ANKRD44: variants seen among roughly 807,000 people sequenced by gnomAD.
ANKRD44 encodes ankyrin repeat domain 44, also known as serine/threonine-protein phosphatase 6 regulatory ankyrin repeat subunit B.
A neutral mutation model predicts 116.0 loss-of-function variants in ANKRD44; 35 were observed. That is an observed-to-expected ratio of 0.30 (90% CI 0.23 to 0.40). The LOEUF (loss-of-function observed/expected upper bound fraction) is 0.40, where lower values mean the gene tolerates loss of function less well. Ranked by LOEUF, ANKRD44 falls within the 10% of genes least tolerant of loss-of-function variation. The pLI is 1.00. For synonymous variants in ANKRD44, 435 were observed against 461.8 expected (o/e 0.94, Z 0.74); for missense variants, 1,014 against 1,242.6 (o/e 0.82, Z 2.77).
intron 10 of ANKRD44, among the ~76,000 whole-genome samples, chr2:197,098,370 T>A (rs1429449098): frequency 6.6e-6 from 1 of 152,204 alleles, no homozygotes; most frequent in Non-Finnish European, 1.5e-5. Context: ...TGAATCTGAT[T>A]TCATGATCCC....
chr2:197,183,703 A>G (rs2080574681), intron 2 of ANKRD44, among the ~76,000 whole-genome samples: 1 of 152,204 alleles, frequency 6.6e-6, no homozygotes, highest in African/African-American at 2.4e-5. Flanking sequence ...GGTGAGTAGA[A>G]CAAAAGGGCC....
chr2:197,298,529 G>A (rs964195867), intron 1 of ANKRD44, among the ~76,000 whole-genome samples: 6 of 152,184 alleles, frequency 3.9e-5, no homozygotes, highest in Non-Finnish European at 5.9e-5. Flanking sequence ...TCTATCAAGC[G>A]AGAGTGGAGG....
At chr2:197,226,432 G>C (rs965076785) in intron 1 of ANKRD44, among the ~76,000 whole-genome samples, 12 of 152,326 alleles carry the variant, frequency 7.9e-5, no homozygotes, top group African/African-American at 2.6e-4. Context: ...TTGAGAGACT[G>C]AGGCGGGTGG....
rs750810915 is a variant in ANKRD44, at chr2:197,147,119, C to A, written c.112-14G>T. 2 of 1,612,694 alleles carry A rather than the reference C, an allele frequency of 1.2e-6. No homozygotes were observed. Among genetic ancestry groups the A allele is most frequent in the Non-Finnish European group, 1.7e-6 (2 of 1,178,874 alleles). On this transcript the variant is annotated splice_polypyrimidine_tract_variant and intron_variant, in intron 2 of 27. Transcript: ENST00000282272. ...TTTCTCAGAATCCTGAAATACACAA[C>A]GTCAAAGACATACAACAGGTCAGTG...
At chr2:197,306,824 G>A (rs2084087935) in intron 1 of ANKRD44, among the ~76,000 whole-genome samples, 1 of 152,156 alleles carries the variant, frequency 6.6e-6, no homozygotes, top group South Asian at 2.1e-4. Flanking sequence ...CTAGGACTTG[G>A]CAAGGGAACA....
At chr2:196,975,778 T>C (rs149553686) in intron 21 of ANKRD44, among the ~76,000 whole-genome samples, 6,402 of 129,722 alleles carry the variant, frequency 0.049, 207 homozygotes, top group Middle Eastern at 0.11. Flanking sequence ...ACAGAGCTAG[T>C]CTCTGTCTCA....
Position 196,986,744 on chromosome 2 carries a change from A to G in ANKRD44, c.*2847T>C. On this transcript the variant is annotated 3_prime_UTR_variant, in exon 28 of 28. Transcript: ENST00000282272. ...ATAGTATATTACAGTTAAGTACTTC[A>G]TTACGTTATTAGAGCATTCAGTAGT... 1 of 982,282 alleles carries G rather than the reference A, an allele frequency of 1.0e-6. No individual in the cohort carries two copies. The highest frequency in any genetic ancestry group is 1.2e-6 in the Non-Finnish European group (1 of 827,078). 60.8% of individuals were successfully genotyped at this position (982,282 alleles called of 1,614,324 possible).
chr2:197,174,680 C>T (rs527809402), intron 2 of ANKRD44, among the ~76,000 whole-genome samples: 3 of 152,286 alleles, frequency 2.0e-5, no homozygotes, highest in African/African-American at 7.2e-5. Context: ...TCTGTTCATG[C>T]GTTCCTAGCC....
chr2:197,121,039 C>T (rs2078842070), intron 8 of ANKRD44, among the ~76,000 whole-genome samples: 1 of 151,558 alleles, frequency 6.6e-6, no homozygotes, highest in Non-Finnish European at 1.5e-5. Flanking sequence ...AAGCAATTCT[C>T]TGCCTCAGCC....
chr2:197,164,558 G>T (rs540510829), intron 2 of ANKRD44, among the ~76,000 whole-genome samples: 1 of 152,202 alleles, frequency 6.6e-6, no homozygotes, highest in Admixed American at 6.5e-5. Context: ...CCGGCTTCGC[G>T]GCCGCTCGGA....
At chr2:197,065,244 T>A (rs1259544142) in intron 16 of ANKRD44, among the ~76,000 whole-genome samples, 7 of 152,202 alleles carry the variant, frequency 4.6e-5, no homozygotes. Context: ...AAAGATGTTC[T>A]TTGAAACCAA....
intron 27 of ANKRD44, among the ~76,000 whole-genome samples, chr2:196,991,273 G>T (rs960331289): frequency 6.6e-6 from 1 of 152,138 alleles, no homozygotes. Context: ...AACAGCAACA[G>T]GACAATCAGG....
At chr2:197,292,413 A>G (rs898438312) in intron 1 of ANKRD44, among the ~76,000 whole-genome samples, 1 of 152,158 alleles carries the variant, frequency 6.6e-6, no homozygotes, top group East Asian at 1.9e-4. Flanking sequence ...ATTTGCATTT[A>G]TCTGATGACC....
rs551923767 is a variant in ANKRD44, at chr2:197,106,806, A to ATTT, written c.985+3957_985+3959dup. On this transcript the variant is annotated intron_variant, in intron 9 of 27. Transcript: ENST00000282272. ...CTCCGTCTCAAATATATATATATAT[A>ATTT]TTTTTTTTTTTTTTTCAGGAAAACA... is the stretch of plus-strand genomic sequence containing the variant. 2.6e-3 allele frequency among the ~76,000 whole-genome samples: 358 copies of ATTT among 136,568 alleles called. 4 individuals carry two copies. The highest frequency in any genetic ancestry group is 0.012 in the South Asian group (50 of 4,248). 89.6% of individuals were successfully genotyped at this position (136,568 alleles called of 152,430 possible).
intron 1 of ANKRD44, among the ~76,000 whole-genome samples, chr2:197,297,701 A>G (rs1411921020): frequency 6.6e-6 from 1 of 152,202 alleles, no homozygotes; most frequent in Non-Finnish European, 1.5e-5. Context: ...GCATTTTTGG[A>G]AATTGTTCGG....
At chr2:197,106,143 T>C (rs2078420938) in intron 9 of ANKRD44, among the ~76,000 whole-genome samples, 1 of 152,136 alleles carries the variant, frequency 6.6e-6, no homozygotes, top group Admixed American at 6.5e-5. Context: ...CTTAAAACTG[T>C]AAAAATATAG....
intron 1 of ANKRD44, chr2:197,296,167 A>C (rs990179060): frequency 6.6e-6 from 1 of 152,248 alleles, no homozygotes; most frequent in Non-Finnish European, 1.5e-5. Context: ...GAGTTGTTGC[A>C]GGAACCTAGT....
At chr2:197,213,940 T>C (rs558464990) in intron 1 of ANKRD44, among the ~76,000 whole-genome samples, 6 of 152,226 alleles carry the variant, frequency 3.9e-5, no homozygotes, top group Non-Finnish European at 7.3e-5. Context: ...TTTGGGAAGA[T>C]AGACTGTTTT....
intron 1 of ANKRD44, among the ~76,000 whole-genome samples, chr2:197,306,231 C>T (rs2084070670): frequency 6.6e-6 from 1 of 152,148 alleles, no homozygotes; most frequent in South Asian, 2.1e-4. Flanking sequence ...GCCCTTTCAA[C>T]TATGAAAAGT....
Sources: allele counts gnomAD v4.1 joint callset (sites outside exome capture counted in the v4.1 genomes callset), GRCh38; gene constraint gnomAD v4.1.1; transcripts MANE v1.5; gene names NCBI Gene and HGNC (gene_info 2026-07-23, HGNC 2026-07-21).